Variants in QKI observed in about 807,000 individuals in gnomAD.
QKI encodes the protein KH domain-containing RNA-binding protein QKI.
A neutral mutation model predicts 39.0 loss-of-function variants in QKI; 10 were observed. The observed-to-expected ratio is 0.26, with a 90% CI of 0.16 to 0.43. QKI has a LOEUF of 0.43. Among genes scored for constraint, QKI ranks in the 20% least tolerant of loss-of-function variants. The probability of loss-of-function intolerance (pLI) is 1.00; values close to 1 mark genes in which losing one functional copy is unlikely to be tolerated. For synonymous variants in QKI, 204 were observed against 155.4 expected, an observed-to-expected ratio of 1.31 and a Z score of -2.33; for missense variants, 218 against 428.0, an observed-to-expected ratio of 0.51 and a Z score of 4.33.
rs536127913 is a variant in QKI, at chr6:163,529,860, C to G, written c.403-5122C>G. ...AAAATTCATTCAGGATGAGTAATAG[C>G]TGAGACATTAATTGTGGACAGATTT... On this transcript the variant is annotated intron_variant, in intron 3 of 7. Coordinates refer to ENST00000361752, the MANE Select transcript of QKI (RefSeq NM_006775.3). Among the ~76,000 whole-genome samples, 339 of 152,294 alleles carry G rather than the reference C, an allele frequency of 2.2e-3. 2 individuals carry two copies. The highest frequency in any genetic ancestry group is 3.8e-3 in the Non-Finnish European group (261 of 68,028).
intron 2 of QKI, among the ~76,000 whole-genome samples, chr6:163,463,751 C>T (rs1382417540): frequency 6.6e-6 from 1 of 152,098 alleles, no homozygotes; most frequent in African/African-American, 2.4e-5. Flanking sequence ...TAAAGGTCAA[C>T]AAGTGTTTTA....
At chr6:163,530,999 CTAATATTA>C in intron 3 of QKI, among the ~76,000 whole-genome samples, 1 of 152,150 alleles carries the variant, frequency 6.6e-6, no homozygotes, top group South Asian at 2.1e-4. Flanking sequence ...GACTAGTCCT[CTAATATTA>C]TACAGTTCTG....
chr6:163,560,380 G>A (rs907644901), intron 4 of QKI, among the ~76,000 whole-genome samples: 7 of 152,222 alleles, frequency 4.6e-5, no homozygotes, highest in South Asian at 2.1e-4. Context: ...GCTGTCTGTC[G>A]TTTCACTTAA....
At chr6:163,466,911 G>C (rs540666654) in intron 2 of QKI, among the ~76,000 whole-genome samples, 1 of 151,554 alleles carries the variant, frequency 6.6e-6, no homozygotes, top group African/African-American at 2.4e-5. Context: ...GCACAGCAAA[G>C]AAACAATCAA....
At chr6:163,463,712 TTAAC>T (rs984737337) in intron 2 of QKI, among the ~76,000 whole-genome samples, 4 of 152,138 alleles carry the variant, frequency 2.6e-5, no homozygotes, top group African/African-American at 9.7e-5. Context: ...AAAAGATTAT[TTAAC>T]CAATTAATAA....
chr6:163,449,989 A>G (rs1790425130), intron 1 of QKI, among the ~76,000 whole-genome samples: 1 of 151,544 alleles, frequency 6.6e-6, no homozygotes, highest in Non-Finnish European at 1.5e-5. Context: ...TGGATTTAAC[A>G]TATGTGTGTA....
intron 7 of QKI, chr6:163,570,233 T>TA (rs2128252736): frequency 1.0e-6 from 1 of 982,394 alleles, no homozygotes; most frequent in Non-Finnish European, 1.2e-6. Flanking sequence ...CATCAGTTAT[T>TA]AATAATCACA....
intron 4 of QKI, among the ~76,000 whole-genome samples, chr6:163,540,088 A>G (rs753852987): frequency 2.6e-5 from 4 of 151,610 alleles, no homozygotes; most frequent in Non-Finnish European, 4.4e-5. Flanking sequence ...TTACATTATC[A>G]TATAAAGAAT....
At chr6:163,512,499 T>C (rs941690035) in intron 3 of QKI, among the ~76,000 whole-genome samples, 1 of 152,048 alleles carries the variant, frequency 6.6e-6, no homozygotes, top group Non-Finnish European at 1.5e-5. Context: ...CTTGAAAATA[T>C]ATAAAGCAAA....
At chr6:163,518,770 C>T (rs1318537586) in intron 3 of QKI, among the ~76,000 whole-genome samples, 1 of 152,064 alleles carries the variant, frequency 6.6e-6, no homozygotes, top group African/African-American at 2.4e-5. Context: ...TTCATTTATT[C>T]TGTAGTAGAT....
chr6:163,491,194 T>C (rs1156918843), intron 3 of QKI, among the ~76,000 whole-genome samples: 1 of 152,202 alleles, frequency 6.6e-6, no homozygotes, highest in Non-Finnish European at 1.5e-5. Context: ...ATTATATCTT[T>C]TGGTGAAATA....
chr6:163,538,979 A>G (rs1233661725), intron 4 of QKI, among the ~76,000 whole-genome samples: 1 of 152,264 alleles, frequency 6.6e-6, no homozygotes, highest in Non-Finnish European at 1.5e-5. Flanking sequence ...ATTTGGTTAT[A>G]ACAGGAATTA....
intron 3 of QKI, among the ~76,000 whole-genome samples, chr6:163,493,284 C>T (rs1274789023): frequency 6.6e-6 from 1 of 152,034 alleles, no homozygotes; most frequent in African/African-American, 2.4e-5. Context: ...GCGCATGCCA[C>T]CACTCCCAGC....
At chr6:163,432,716 A>G (rs1230864909) in intron 1 of QKI, among the ~76,000 whole-genome samples, 1 of 151,286 alleles carries the variant, frequency 6.6e-6, no homozygotes, top group Non-Finnish European at 1.5e-5. Context: ...CCACTTTGTT[A>G]TAGATCTGAG....
At chr6:163,551,246 A>G (rs1437366915) in intron 4 of QKI, among the ~76,000 whole-genome samples, 1 of 152,202 alleles carries the variant, frequency 6.6e-6, no homozygotes, top group East Asian at 1.9e-4. Flanking sequence ...TTCTGACACC[A>G]GATTCCTCAG....
intron 6 of QKI, chr6:163,566,046 G>A: frequency 1.9e-6 from 3 of 1,578,186 alleles, no homozygotes; most frequent in South Asian, 2.3e-5. Context: ...CAGCCTCCGG[G>A]GGAAAAAAGC....
At chr6:163,540,323 A>G (rs1781434718) in intron 4 of QKI, among the ~76,000 whole-genome samples, 1 of 152,178 alleles carries the variant, frequency 6.6e-6, no homozygotes, top group Non-Finnish European at 1.5e-5. Flanking sequence ...GTGTTTTTCC[A>G]TCTGCAGAAA....
At chr6:163,467,629 A>C (rs1179598389) in intron 2 of QKI, among the ~76,000 whole-genome samples, 2 of 152,214 alleles carry the variant, frequency 1.3e-5, no homozygotes, top group African/African-American at 4.8e-5. Flanking sequence ...GGTTTTGCCA[A>C]ATGTTTCCTG....
At chr6:163,459,996 G>A (rs1791226052) in intron 2 of QKI, among the ~76,000 whole-genome samples, 1 of 152,144 alleles carries the variant, frequency 6.6e-6, no homozygotes, top group Non-Finnish European at 1.5e-5. Flanking sequence ...TTTTGAATGA[G>A]TCAGTAATAA....
Sources: allele counts gnomAD v4.1 joint callset (sites outside exome capture counted in the v4.1 genomes callset), GRCh38; gene constraint gnomAD v4.1.1; transcripts MANE v1.5; gene names NCBI Gene and HGNC (gene_info 2026-07-23, HGNC 2026-07-21).